The following HIVEP3 variants were observed in gnomAD, a reference collection of about 807,000 sequenced individuals.
HIVEP3 encodes transcription factor HIVEP3.
A neutral mutation model predicts 152.8 loss-of-function variants in HIVEP3; 49 were observed. The ratio of observed to expected loss-of-function variants is 0.32; its 90% CI spans 0.26 to 0.41. The LOEUF (loss-of-function observed/expected upper bound fraction) is 0.41, where lower values mean the gene tolerates loss of function less well. Among genes scored for constraint, HIVEP3 ranks in the 10% least tolerant of loss-of-function variants. HIVEP3 has a pLI of 1.00. For synonymous variants in HIVEP3, 1,269 were observed against 1,289.0 expected, an observed-to-expected ratio of 0.98 and a Z score of 0.33; for missense variants, 2,790 against 3,103.3, an observed-to-expected ratio of 0.90 and a Z score of 2.40.
rs568469626 is a variant in HIVEP3, at chr1:41,997,878, T to G, written n.119+37929A>C. ...ACTCGAAGGGGCTAAATTGTAGGCT[T>G]TGTTGGAAACAGGCCTGAATAGAAC... On this transcript the variant is annotated intron_variant and non_coding_transcript_variant, in intron 1 of 3. Transcript: ENST00000489103. Among the ~76,000 whole-genome samples, 33 of 152,352 alleles carry G rather than the reference T, an allele frequency of 2.2e-4. No individual in the cohort carries two copies. In the South Asian group the frequency reaches 6.6e-3, roughly 31 times the overall value.
intron 1 of HIVEP3, among the ~76,000 whole-genome samples, chr1:41,729,390 G>T (rs755182874): frequency 6.6e-6 from 1 of 152,220 alleles, no homozygotes; most frequent in Non-Finnish European, 1.5e-5. Flanking sequence ...GCAAGAAACT[G>T]AGAAGGCACT....
chr1:41,523,831 C>A (rs1289584221), intron 6 of HIVEP3, among the ~76,000 whole-genome samples: 2 of 152,208 alleles, frequency 1.3e-5, no homozygotes, highest in African/African-American at 4.8e-5. Context: ...AAACCCTGAC[C>A]CAGGAATCTA....
At position 41,737,039 on chromosome 1, in the gene HIVEP3, G is replaced by A. The variant is rs528716739; in HGVS notation, c.-800-36044C>T. ...CAGGCACCAGCCACAAATAATGTTC[G>A]AGGTCTTCTCCGCCCTTTCCTTTAT... On this transcript the variant is annotated intron_variant, in intron 1 of 8. Transcript: ENST00000372583. Among the ~76,000 whole-genome samples the A allele has an allele frequency of 3.0e-4, 46 of 152,184 alleles. 1 individual carries two copies. The highest frequency in any genetic ancestry group is 9.6e-4 in the African/African-American group (40 of 41,496).
intron 3 of HIVEP3, among the ~76,000 whole-genome samples, chr1:41,616,793 T>C (rs1644975696): frequency 6.6e-6 from 1 of 152,152 alleles, no homozygotes; most frequent in Admixed American, 6.5e-5. Flanking sequence ...CTATGTACAT[T>C]CCTCAGCACT....
intron 5 of HIVEP3, among the ~76,000 whole-genome samples, chr1:41,546,261 G>T (rs1428371637): frequency 6.6e-6 from 1 of 152,190 alleles, no homozygotes; most frequent in Non-Finnish European, 1.5e-5. Flanking sequence ...GCAAAGTGAG[G>T]ACTGTAGTGG....
chr1:41,677,650 G>A (rs1645977094), intron 2 of HIVEP3, among the ~76,000 whole-genome samples: 1 of 152,202 alleles, frequency 6.6e-6, no homozygotes, highest in African/African-American at 2.4e-5. Flanking sequence ...TTGGCCATGG[G>A]GAAAAGAAGA....
chr1:41,583,517 C>T lies in HIVEP3; in HGVS notation c.1281G>A (p.Gln427=). The T allele has an allele frequency of 1.2e-6, 2 of 1,614,096 alleles. No homozygotes were observed. The highest frequency in any genetic ancestry group is 1.7e-6 in the Non-Finnish European group (2 of 1,180,002). ...AGGTGGCTGTCAGCATGGCGGTCCG[C>T]TGTCCTATTCGCCCACACTTGCCAA... ...IIFGKCGRIG[Q]RTAMLTATST... Residue 427 remains glutamine (Q), a synonymous_variant, in exon 4 of 9, where the codon CAG becomes CAA. Coordinates refer to ENST00000372583, the MANE Select transcript of HIVEP3 (RefSeq NM_024503.5). The surrounding 1 kb of genome is among the most constrained non-coding windows in gnomAD (Gnocchi z 6.9).
At chr1:41,809,238 G>T (rs1272749313) in intron 1 of HIVEP3, among the ~76,000 whole-genome samples, 1 of 152,226 alleles carries the variant, frequency 6.6e-6, no homozygotes, top group Non-Finnish European at 1.5e-5. Context: ...CAGCCTCTGG[G>T]ATGGTTACCA....
At chr1:41,941,409 A>G (rs1645045632) in intron 1 of HIVEP3, among the ~76,000 whole-genome samples, 1 of 152,192 alleles carries the variant, frequency 6.6e-6, no homozygotes, top group South Asian at 2.1e-4. Flanking sequence ...TCTATGATCT[A>G]AGGAGGGACA....
At chr1:41,724,193 A>C (rs1380911140) in intron 1 of HIVEP3, among the ~76,000 whole-genome samples, 1 of 152,126 alleles carries the variant, frequency 6.6e-6, no homozygotes, top group African/African-American at 2.4e-5. Flanking sequence ...TTCCGAAGCC[A>C]CTCCAAATGA....
rs532448283 is a variant in HIVEP3 at position 41,620,247 on chromosome 1, C to T, written c.-522+8502G>A. ...ACTCGCTTTCCCACACCTGCAGCTA[C>T]GCTGGCCAGGAGCACAAACCTCAAG... is the stretch of plus-strand genomic sequence containing the variant. On this transcript the variant is annotated intron_variant, in intron 3 of 8. Coordinates refer to ENST00000372583, the MANE Select transcript of HIVEP3 (RefSeq NM_024503.5). 8.5e-5 allele frequency among the ~76,000 whole-genome samples: 13 copies of T among 152,310 alleles called. No individual in the cohort carries two copies. In the South Asian group the frequency reaches 1.2e-3, roughly 15 times the overall value.
At chr1:41,908,756 A>G (rs564999741) in intron 1 of HIVEP3, among the ~76,000 whole-genome samples, 1 of 152,346 alleles carries the variant, frequency 6.6e-6, no homozygotes, top group Non-Finnish European at 1.5e-5. Flanking sequence ...GTATTCAGTG[A>G]GCAAAAACTA....
chr1:41,563,532 G>A (rs1419410227), intron 5 of HIVEP3, among the ~76,000 whole-genome samples: 1 of 151,960 alleles, frequency 6.6e-6, no homozygotes, highest in East Asian at 1.9e-4. Context: ...GATTGATTCT[G>A]CTCAAGAAGA....
chr1:41,703,428 C>T (rs1461167610), intron 1 of HIVEP3, among the ~76,000 whole-genome samples: 3 of 152,244 alleles, frequency 2.0e-5, no homozygotes, highest in Non-Finnish European at 4.4e-5. Flanking sequence ...TCCCAGACTG[C>T]ATGCGTCCGA....
At chr1:41,623,487 T>A (rs1206064673) in intron 3 of HIVEP3, among the ~76,000 whole-genome samples, 1 of 152,194 alleles carries the variant, frequency 6.6e-6, no homozygotes, top group Non-Finnish European at 1.5e-5. Flanking sequence ...AAATGTCCCT[T>A]TTCTATGGGG....
intron 1 of HIVEP3, among the ~76,000 whole-genome samples, chr1:41,706,558 A>G (rs952402756): frequency 2.0e-5 from 3 of 152,278 alleles, no homozygotes; most frequent in Admixed American, 2.0e-4. Context: ...CTGGGATTAC[A>G]GGCGTAAGCC....
chr1:41,617,892 T>C (rs1644991702), intron 3 of HIVEP3, among the ~76,000 whole-genome samples: 1 of 152,174 alleles, frequency 6.6e-6, no homozygotes, highest in Admixed American at 6.5e-5. Context: ...TTTAGTTCAG[T>C]GTCTTCTTTT....
chr1:41,566,684 C>T (rs1644168747), intron 5 of HIVEP3, among the ~76,000 whole-genome samples: 1 of 152,182 alleles, frequency 6.6e-6, no homozygotes, highest in Non-Finnish European at 1.5e-5. Flanking sequence ...GCACAGGGCC[C>T]TGTTGAATGG....
intron 1 of HIVEP3, among the ~76,000 whole-genome samples, chr1:42,000,847 C>T (rs976953041): frequency 6.6e-6 from 1 of 152,164 alleles, no homozygotes; most frequent in South Asian, 2.1e-4. Context: ...TAAGAGTCAC[C>T]TGTTTTAGCT....
Sources: allele counts gnomAD v4.1 joint callset (sites outside exome capture counted in the v4.1 genomes callset), GRCh38; gene constraint gnomAD v4.1.1; non-coding constraint Gnocchi (gnomAD v3.1); transcripts MANE v1.5; gene names NCBI Gene and HGNC (gene_info 2026-07-23, HGNC 2026-07-21).